The following HSD17B6 variants were observed in gnomAD, a reference collection of about 807,000 sequenced individuals.
HSD17B6 encodes 17-beta-hydroxysteroid dehydrogenase type 6.
A neutral mutation model predicts 26.4 loss-of-function variants in HSD17B6; 16 were observed. That is an observed-to-expected ratio of 0.61 (90% CI 0.41 to 0.92). HSD17B6 has a LOEUF of 0.92. Ranked by LOEUF, HSD17B6 falls within the 40% of genes least tolerant of loss-of-function variation. The pLI is 0.00. For synonymous variants in HSD17B6, 139 were observed against 153.0 expected, an observed-to-expected ratio of 0.91 and a Z score of 0.68; for missense variants, 357 against 386.1, an observed-to-expected ratio of 0.92 and a Z score of 0.63.
chr12:56,784,976 G>A lies in HSD17B6; in HGVS notation c.696G>A (p.Lys232=). Residue 232 remains lysine (K), a synonymous_variant, in exon 4 of 5, where the codon AAG becomes AAA. Coordinates refer to ENST00000322165, the MANE Select transcript of HSD17B6 (RefSeq NM_003725.4). The stretch of plus-strand genomic sequence containing the variant: ...AGCAAAGTTGGAAAGAAGCCCCCAA[G>A]CATATTAAGGAGACCTATGGACAGC... The part of the protein sequence containing the change: ...RMKQSWKEAP[K]HIKETYGQQY... 1.2e-6 allele frequency: 2 copies of A among 1,614,020 alleles called. No homozygotes were observed. The highest frequency in any genetic ancestry group is 1.7e-6 in the Non-Finnish European group (2 of 1,179,988).
At chr12:56,786,054 T>A in intron 4 of HSD17B6, 2 of 559,980 alleles carry the variant, frequency 3.6e-6, no homozygotes, top group Non-Finnish European at 4.5e-6. Context: ...ATGTTCTAAA[T>A]GTAGATTGTG....
rs11171967 is a variant in HSD17B6 at position 56,764,726 on chromosome 12, A to G, written c.-20+1312A>G. On this transcript the variant is annotated intron_variant, in intron 1 of 4. Coordinates refer to ENST00000322165, the MANE Select transcript of HSD17B6 (RefSeq NM_003725.4). Reference sequence around the variant, plus strand: ...TTTGAACACGAGCACACAGGAACAGAGGCCAGTTCACTTACTCAAGGCTGC... The same window carrying G: ...TTTGAACACGAGCACACAGGAACAGGGGCCAGTTCACTTACTCAAGGCTGC... Among the ~76,000 whole-genome samples, 48 of 152,366 alleles carry G rather than the reference A, an allele frequency of 3.2e-4. 1 individual carries two copies. In the East Asian group the frequency reaches 7.9e-3, roughly 25 times the overall value.
chr12:56,784,162 G>A (rs1592376429), intron 3 of HSD17B6, among the ~76,000 whole-genome samples: 5 of 151,406 alleles, frequency 3.3e-5, no homozygotes, highest in South Asian at 4.2e-4. Flanking sequence ...ATGGGATGGC[G>A]GCTGGGCAGA....
At chr12:56,775,088 A>G (rs1406288518) in intron 2 of HSD17B6, among the ~76,000 whole-genome samples, 1 of 152,244 alleles carries the variant, frequency 6.6e-6, no homozygotes, top group African/African-American at 2.4e-5. Flanking sequence ...GTGTGTATCA[A>G]AGCTGAGCTT....
chr12:56,772,083 C>T (rs1954485418), intron 1 of HSD17B6, among the ~76,000 whole-genome samples: 2 of 152,064 alleles, frequency 1.3e-5, no homozygotes, highest in Admixed American at 6.6e-5. Context: ...TACCCAGTCT[C>T]GGGTGGTATC....
chr12:56,783,602 A>G (rs1361374456), intron 3 of HSD17B6, among the ~76,000 whole-genome samples: 1 of 81,334 alleles, frequency 1.2e-5, no homozygotes, highest in Admixed American at 1.2e-4. Flanking sequence ...TGACCCCCCC[A>G]CCTCCCTCCC....
Position 56,784,879 on chromosome 12 carries a change from AAATC to A in HSD17B6, c.601_604del (p.Ile201AlafsTer2), listed in dbSNP as rs1409437192. 16 of 1,613,890 alleles carry A rather than the reference AAATC, an allele frequency of 9.9e-6. No homozygotes were observed. The highest frequency in any genetic ancestry group is 1.4e-5 in the Non-Finnish European group (16 of 1,179,982). Reference sequence around the variant, plus strand: ...CGTGAGATTCAACATTTTGGGGTGAAAATCAGCATAGTTGAACCTGGCTACTTCA... The same window carrying A: ...CGTGAGATTCAACATTTTGGGGTGAAAGCATAGTTGAACCTGGCTACTTCA... On this transcript the variant is annotated frameshift_variant, in exon 4 of 5. Transcript: ENST00000322165. LOFTEE classifies it high-confidence loss of function.
At chr12:56,781,364 C>T (rs761992475) in intron 2 of HSD17B6, among the ~76,000 whole-genome samples, 1 of 152,122 alleles carries the variant, frequency 6.6e-6, no homozygotes, top group African/African-American at 2.4e-5. Context: ...TCCACTATGT[C>T]TATCTACTAT....
At chr12:56,771,658 A>T (rs905284090) in intron 1 of HSD17B6, among the ~76,000 whole-genome samples, 2 of 152,062 alleles carry the variant, frequency 1.3e-5, no homozygotes, top group Non-Finnish European at 2.9e-5. Context: ...CGGTTTCGCC[A>T]TGTTGACCAG....
At chr12:56,774,644 T>C (rs1277257539) in intron 2 of HSD17B6, among the ~76,000 whole-genome samples, 3 of 152,334 alleles carry the variant, frequency 2.0e-5, no homozygotes, top group Admixed American at 2.0e-4. Flanking sequence ...CTGAGCTTGT[T>C]TTCCTGTATC....
rs368240844 is a variant in HSD17B6, at chr12:56,787,349, C to G, written c.*7C>G. On this transcript the variant is annotated 3_prime_UTR_variant, in exon 5 of 5. Transcript: ENST00000322165. ...ACCAGCCCAGGCAGTCTAAAGAAAA[C>G]TGGGTTGGTGCTTCTTGGAATGAAG... The G allele has an allele frequency of 4.4e-5, 71 of 1,599,404 alleles. No homozygotes were observed. Among genetic ancestry groups the G allele is most frequent in the Non-Finnish European group, 6.0e-5 (70 of 1,168,042 alleles).
intron 4 of HSD17B6, 85 bp from the exon 5 acceptor site, chr12:56,787,040 A>G: frequency 1.0e-6 from 1 of 976,274 alleles, no homozygotes; most frequent in Non-Finnish European, 1.6e-6. Flanking sequence ...TGTAGAAATT[A>G]GATGTGGTGA....
chr12:56,783,684 G>A (rs576307743), intron 3 of HSD17B6, among the ~76,000 whole-genome samples: 1,773 of 129,128 alleles, frequency 0.014, 49 homozygotes, highest in African/African-American at 0.052. Context: ...CTGGCCGGGC[G>A]GGGGGCTGAC....
intron 1 of HSD17B6, among the ~76,000 whole-genome samples, chr12:56,764,723 C>G: frequency 6.6e-6 from 1 of 152,226 alleles, no homozygotes; most frequent in Non-Finnish European, 1.5e-5. Context: ...CACACAGGAA[C>G]AGAGGCCAGT....
intron 1 of HSD17B6, among the ~76,000 whole-genome samples, chr12:56,763,903 A>T (rs1465414080): frequency 6.6e-6 from 1 of 151,756 alleles, no homozygotes; most frequent in Admixed American, 6.6e-5. Flanking sequence ...CCCTGTCTCT[A>T]CAAAAAATAC....
intron 1 of HSD17B6, among the ~76,000 whole-genome samples, chr12:56,766,998 A>G (rs1477275530): frequency 1.3e-5 from 2 of 151,820 alleles, no homozygotes; most frequent in Non-Finnish European, 2.9e-5. Flanking sequence ...AAAATCAGCT[A>G]ATTTTTGTAT....
In HSD17B6 at chr12:56,773,819, T is replaced by C. The variant is rs201703638; in HGVS notation, c.-19-15T>C. On this transcript the variant is annotated splice_polypyrimidine_tract_variant and intron_variant, in intron 1 of 4. Coordinates refer to ENST00000322165, the MANE Select transcript of HSD17B6 (RefSeq NM_003725.4). ...ATAATAAGGAAGGAATAAAATGTTT[T>C]CTTTCTATTGAAAGAGAAGGAAGCA... 58 of 1,514,142 alleles carry C rather than the reference T, an allele frequency of 3.8e-5. No homozygotes were observed. The East Asian group carries it at 1.1e-3, about 29-fold the overall frequency. 93.8% of individuals were successfully genotyped at this position (1,514,142 alleles called of 1,614,324 possible). A position where few individuals can be genotyped will look rare whatever the true frequency, so the allele number is the denominator to read the frequency against.
In HSD17B6 at chr12:56,777,415, C is replaced by T. The variant is rs180855071; in HGVS notation, c.313+3250C>T. 2.3e-3 allele frequency among the ~76,000 whole-genome samples: 352 copies of T among 149,792 alleles called. 1 individual carries two copies. Among genetic ancestry groups the T allele is most frequent in the Non-Finnish European group, 3.9e-3 (264 of 67,750 alleles). ...GTTTTGCTCTTGTTGCCCCGGCTGG[C>T]GTGCAACGGCATGATCTCCGCTCAC... On this transcript the variant is annotated intron_variant, in intron 2 of 4. Transcript: ENST00000322165.
chr12:56,766,490 C>CGAG, intron 1 of HSD17B6, among the ~76,000 whole-genome samples: 1 of 152,146 alleles, frequency 6.6e-6, no homozygotes, highest in African/African-American at 2.4e-5. Flanking sequence ...AATCATACTT[C>CGAG]CTTCATTTTA....
Sources: gnomAD v4.1 joint callset for allele counts (sites outside exome capture counted in the v4.1 genomes callset) on GRCh38, gnomAD v4.1.1 for gene constraint, MANE v1.5 for transcripts, NCBI Gene and HGNC (gene_info 2026-07-23, HGNC 2026-07-21) for gene names.